The following DSG3 variants were observed in gnomAD, a reference collection of about 807,000 sequenced individuals.
DSG3 encodes desmoglein-3.
Under a neutral mutation model 85.9 loss-of-function variants are expected in DSG3, and 63 were observed. The ratio of observed to expected loss-of-function variants is 0.73; its 90% confidence interval spans 0.60 to 0.90. The LOEUF (loss-of-function observed/expected upper bound fraction) is 0.90. Among genes scored for constraint, DSG3 ranks in the 40% least tolerant of loss-of-function variants. The pLI is 0.00. For missense variants in DSG3, 1,220 were observed against 1,219.9 expected (o/e 1.00, Z 0.00); for synonymous variants, 447 against 441.9 (o/e 1.01, Z -0.14).
intron 2 of DSG3, among the ~76,000 whole-genome samples, 195 bp downstream of exon 2, chr18:31,456,670 T>C (rs1470302837): frequency 6.6e-6 from 1 of 152,192 alleles, no homozygotes; most frequent in Non-Finnish European, 1.5e-5. Context: ...ATTATTATAA[T>C]TTATTTCATG....
intron 1 of DSG3, among the ~76,000 whole-genome samples, chr18:31,454,765 C>T (rs1156589313): frequency 6.6e-6 from 1 of 150,672 alleles, no homozygotes; most frequent in African/African-American, 2.4e-5. Flanking sequence ...GAGGCCAAGG[C>T]GGGTGGATCA....
At chr18:31,457,711 T>G (rs2072757773) in intron 3 of DSG3, among the ~76,000 whole-genome samples, 1 of 151,610 alleles carries the variant, frequency 6.6e-6, no homozygotes, top group Non-Finnish European at 1.5e-5. Flanking sequence ...CACTGCAACC[T>G]CCTCCTCCCA....
chr18:31,466,898 A>G (rs1365646805), intron 11 of DSG3, 144 bp downstream of exon 11: 1 of 653,736 alleles, frequency 1.5e-6, no homozygotes, highest in Non-Finnish European at 2.6e-6. Flanking sequence ...AGCATTGTGA[A>G]TTACTTCTCT....
chr18:31,474,403 A>T lies in DSG3; in HGVS notation c.2384A>T (p.Gln795Leu), dbSNP rs145985329. 1 of 1,596,042 alleles carries T rather than the reference A, an allele frequency of 6.3e-7. No homozygotes were observed. Among genetic ancestry groups the T allele is most frequent in the African/African-American group, 1.3e-5 (1 of 74,380 alleles). Residue 795 changes from glutamine (Q) to leucine (L), a missense_variant and splice_region_variant, in exon 15 of 16, where the codon CAG (glutamine) becomes CTG (leucine). Transcript: ENST00000257189. ...AATTTTCTGGACTCCTACTTTTCTC[A>T]GGTAATTTGGTGAAAAACTTTGTGG... ...SMNFLDSYFS[Q>L]KAFACAEEDD...
Position 31,469,092 on chromosome 18 carries a change from C to A in DSG3, c.1640C>A (p.Thr547Asn). The stretch of plus-strand genomic sequence containing the variant: ...TTGCATGATTCTTTCTCTACAGCTA[C>A]CTCGGCCCTCCTCAGAGCCCAGGAA... Reference protein sequence around the residue: ...AVWSITTLNATSALLRAQEQI... With the variant: ...AVWSITTLNANSALLRAQEQI... Residue 547 changes from threonine (T) to asparagine (N), a missense_variant, in exon 12 of 16, where the codon ACC becomes AAC. Coordinates refer to ENST00000257189, the MANE Select transcript of DSG3 (RefSeq NM_001944.3). 6.2e-7 allele frequency: 1 copy of A among 1,613,136 alleles called. No individual in the cohort carries two copies. The highest frequency in any genetic ancestry group is 8.5e-7 in the Non-Finnish European group (1 of 1,179,090).
intron 6 of DSG3, 73 bp from the exon 7 acceptor site, chr18:31,460,760 A>T: frequency 7.5e-7 from 1 of 1,339,376 alleles, no homozygotes; most frequent in Non-Finnish European, 1.0e-6. Context: ...CTCCTTACCC[A>T]TAGGAATCAA....
chr18:31,478,008 C>T lies in DSG3; in HGVS notation c.*1748C>T, dbSNP rs2072899818. On this transcript the variant is annotated 3_prime_UTR_variant, in exon 16 of 16. Transcript: ENST00000257189. Reference sequence around the variant, plus strand: ...AGGAAAGAGGTCCCCTAAATATCCCCCACCCTGGTGCTCCTCCCTCTCCCT... The same window carrying T: ...AGGAAAGAGGTCCCCTAAATATCCCTCACCCTGGTGCTCCTCCCTCTCCCT... 6.6e-6 allele frequency: 1 copy of T among 152,220 alleles called. No homozygotes were observed. Among genetic ancestry groups the T allele is most frequent in the Non-Finnish European group, 1.5e-5 (1 of 68,054 alleles). The allele number at this position is 152,220 out of a possible 1,614,324, so 9.4% of individuals were successfully genotyped here. A position where few individuals can be genotyped will look rare whatever the true frequency, so the allele number is the denominator to read the frequency against.
At position 31,459,994 on chromosome 18, in the gene DSG3, A is replaced by G. The variant is rs2072773824; in HGVS notation, c.667A>G (p.Asn223Asp). 6.2e-7 allele frequency: 1 copy of G among 1,613,718 alleles called. No homozygotes were observed. The highest frequency in any genetic ancestry group is 8.5e-7 in the Non-Finnish European group (1 of 1,179,804). Residue 223 changes from asparagine (N) to aspartate (D), a missense_variant, in exon 6 of 16, where the codon AAT (asparagine) becomes GAT (aspartate). Transcript: ENST00000257189. ...RNTGEVRTLT[N>D]SLDREQASSY... is the part of the protein sequence containing the mutation. The stretch of plus-strand genomic sequence containing the variant: ...CACTGGGGAAGTCCGTACTTTGACC[A>G]ATTCTCTTGACCGAGAGGTACAGCA...
rs75391629 is a variant in DSG3 at position 31,460,750 on chromosome 18, C to A, written c.685-83C>A. On this transcript the variant is annotated intron_variant, in intron 6 of 15. Transcript: ENST00000257189. ...TCTACATAAAATTGAATATTTCTAC[C>A]TCCTTACCCATAGGAATCAAGTAGT... The A allele has an allele frequency of 1.2e-4, 155 of 1,242,370 alleles. No homozygotes were observed. The Middle Eastern group carries it at 2.6e-3, about 21-fold the overall frequency. The allele number at this position is 1,242,370 out of a possible 1,614,324, so 77.0% of individuals were successfully genotyped here. A position where few individuals can be genotyped will look rare whatever the true frequency, so the allele number is the denominator to read the frequency against.
chr18:31,466,429 C>CT (rs2072818412), intron 10 of DSG3, 101 bp from the exon 11 acceptor site: 4 of 955,118 alleles, frequency 4.2e-6, no homozygotes, highest in Non-Finnish European at 6.5e-6. Flanking sequence ...CATGAGAAGA[C>CT]ACACTGAGTT....
At chr18:31,464,527 A>G in intron 9 of DSG3, 145 bp downstream of exon 9, 2 of 846,890 alleles carry the variant, frequency 2.4e-6, no homozygotes, top group South Asian at 2.1e-5. Context: ...AAAAAGTAAC[A>G]TTTAGCTAAA....
chr18:31,465,819 G>A (rs1280542743), intron 10 of DSG3, among the ~76,000 whole-genome samples: 2 of 152,158 alleles, frequency 1.3e-5, no homozygotes, highest in South Asian at 4.1e-4. Context: ...GGTACCTATA[G>A]AGACCTCATG....
At position 31,464,323 on chromosome 18, in the gene DSG3, T is replaced by C. The variant is rs1222267787; in HGVS notation, c.1212T>C (p.Tyr404=). The change falls in exon 9 of 16, where the codon TAT becomes TAC. Residue 404 remains tyrosine, a synonymous_variant. Transcript: ENST00000257189. ...KGISSKKLVD[Y]ILGTYQAIDE... ...TAAGTAGCAAAAAATTGGTGGATTA[T>C]ATCCTGGGAACATATCAAGCCATCG... The C allele has an allele frequency of 3.7e-6, 6 of 1,614,028 alleles. No individual in the cohort carries two copies. The Admixed American group carries it at 5.0e-5, about 13-fold the overall frequency.
intron 3 of DSG3, among the ~76,000 whole-genome samples, chr18:31,457,437 TG>T (rs1300712720): frequency 5.9e-5 from 9 of 152,030 alleles, no homozygotes; most frequent in Non-Finnish European, 4.4e-5. Flanking sequence ...AAGACAGAAA[TG>T]GTTGGGAGCA....
At chr18:31,460,106 AG>A (rs1256202682) in intron 6 of DSG3, 95 bp downstream of exon 6, 9 of 1,344,756 alleles carry the variant, frequency 6.7e-6, no homozygotes, top group Non-Finnish European at 8.1e-6. Context: ...AAATTAAAAA[AG>A]AAAAGAGGTT....
Position 31,465,473 on chromosome 18 carries a change from G to T in DSG3, c.1411+16G>T. On this transcript the variant is annotated intron_variant, in intron 10 of 15. Coordinates refer to ENST00000257189, the MANE Select transcript of DSG3 (RefSeq NM_001944.3). ...GCCATAGATGGTAAGAAAAATATTT[G>T]AATCATTTCAGAGGAATGTTATCGT... The T allele has an allele frequency of 6.9e-7, 1 of 1,438,886 alleles. No homozygotes were observed. Among genetic ancestry groups the T allele is most frequent in the South Asian group, 1.7e-5 (1 of 58,080 alleles). 89.1% of individuals were successfully genotyped at this position (1,438,886 alleles called of 1,614,324 possible). A position where few individuals can be genotyped will look rare whatever the true frequency, so the allele number is the denominator to read the frequency against.
chr18:31,458,505 G>C lies in DSG3; in HGVS notation c.277G>C (p.Asp93His), dbSNP rs774736138. ...ITYRISGVGI[D>H]QPPFGIFVVD... ...CTACCGAATCTCTGGAGTGGGAATCGATCAGCCGCCTTTTGGAATCTTTGT... is the reference window on the plus strand; with the variant it reads ...CTACCGAATCTCTGGAGTGGGAATCCATCAGCCGCCTTTTGGAATCTTTGT... Residue 93 changes from aspartate to histidine, a missense_variant, in exon 4 of 16, where the codon GAT (aspartate) becomes CAT (histidine). Physicochemically the swap from Asp to His is moderately conservative, Grantham distance 81. Transcript: ENST00000257189. 3 of 1,613,960 alleles carry C rather than the reference G, an allele frequency of 1.9e-6. No homozygotes were observed. Among genetic ancestry groups the C allele is most frequent in the African/African-American group, 2.7e-5 (2 of 74,898 alleles).
intron 3 of DSG3, 27 bp downstream of exon 3, chr18:31,457,151 A>G (rs777746981): frequency 6.3e-7 from 1 of 1,592,248 alleles, no homozygotes; most frequent in Non-Finnish European, 8.5e-7. Flanking sequence ...GGAGCGTATG[A>G]GTTTTTAGAA....
At chr18:31,457,174 G>T in intron 3 of DSG3, 50 bp downstream of exon 3, 3 of 1,549,576 alleles carry the variant, frequency 1.9e-6, no homozygotes, top group South Asian at 1.2e-5. Context: ...AATGTATAAG[G>T]TGTAAATTAA....
Sources: gnomAD v4.1 joint callset for allele counts (sites outside exome capture counted in the v4.1 genomes callset) on GRCh38, gnomAD v4.1.1 for gene constraint, MANE v1.5 for transcripts, NCBI Gene and HGNC (gene_info 2026-07-23, HGNC 2026-07-21) for gene names.